RIMKLB: variants seen among roughly 807,000 people sequenced by gnomAD.
RIMKLB encodes the protein ribosomal modification protein rimK like family member B.
In RIMKLB, 7 loss-of-function variants were observed where a neutral mutation model predicts 32.0. The observed-to-expected ratio is 0.22, with a 90% confidence interval of 0.12 to 0.41. The LOEUF is 0.41. Ranked by LOEUF, RIMKLB falls within the 10% of genes least tolerant of loss-of-function variation. RIMKLB has a pLI of 1.00. For synonymous variants in RIMKLB, 172 were observed against 185.1 expected (o/e 0.93, Z 0.57); for missense variants, 289 against 498.7 (o/e 0.58, Z 4.00).
intron 2 of RIMKLB, among the ~76,000 whole-genome samples, chr12:8,741,923 C>CTTTT (rs145008488): frequency 0.014 from 2,103 of 145,082 alleles, 75 homozygotes; most frequent in African/African-American, 0.052. Context: ...AAAAGGAGAG[C>CTTTT]TTTTTTTTTT....
At chr12:8,706,608 G>A (rs1205625588) in intron 1 of RIMKLB, among the ~76,000 whole-genome samples, 4 of 151,340 alleles carry the variant, frequency 2.6e-5, no homozygotes, top group Non-Finnish European at 4.4e-5. Context: ...GCACCCCTGC[G>A]TCCGGCTAAT....
intron 1 of RIMKLB, among the ~76,000 whole-genome samples, chr12:8,708,670 A>G (rs1324716909): frequency 6.6e-6 from 1 of 151,764 alleles, no homozygotes; most frequent in Non-Finnish European, 1.5e-5. Flanking sequence ...GGAGAAACAA[A>G]GTGGTACTTT....
At chr12:8,706,194 C>T (rs964514623) in intron 1 of RIMKLB, among the ~76,000 whole-genome samples, 1 of 152,152 alleles carries the variant, frequency 6.6e-6, no homozygotes, top group African/African-American at 2.4e-5. Flanking sequence ...GGCTGGAGTG[C>T]AATGGTGCGA....
At chr12:8,696,732 C>A (rs1942903572), upstream of RIMKLB, among the ~76,000 whole-genome samples, 1 of 152,104 alleles carries the variant, frequency 6.6e-6, no homozygotes, top group South Asian at 2.1e-4. Context: ...TCTCGAGACG[C>A]TGAAGGAAAT....
chr12:8,730,734 C>G (rs7960582), intron 2 of RIMKLB, among the ~76,000 whole-genome samples: 5,756 of 152,206 alleles, frequency 0.038, 333 homozygotes, highest in African/African-American at 0.12. Context: ...CAATGCAGCT[C>G]TTTCTTTTTT....
At chr12:8,693,503 T>A (rs1421959232), upstream of RIMKLB, among the ~76,000 whole-genome samples, 1 of 151,920 alleles carries the variant, frequency 6.6e-6, no homozygotes, top group Non-Finnish European at 1.5e-5. Context: ...TTCAAGTGAT[T>A]CTCCTGCCTC....
intron 1 of RIMKLB, among the ~76,000 whole-genome samples, chr12:8,690,508 A>G (rs1942701681): frequency 6.6e-6 from 1 of 152,210 alleles, no homozygotes; most frequent in African/African-American, 2.4e-5. Context: ...GTGTTTGACA[A>G]AGCAGTTAAG....
At chr12:8,725,583 A>G (rs774842316) in intron 2 of RIMKLB, among the ~76,000 whole-genome samples, 15 of 152,186 alleles carry the variant, frequency 9.9e-5, no homozygotes, top group Non-Finnish European at 1.9e-4. Flanking sequence ...ATATGTTCTC[A>G]GCCTGCGAGG....
In RIMKLB at chr12:8,767,075, C is replaced by G. The variant is rs142168951; in HGVS notation, c.698-6246C>G. ...GGTCTCAGTGTTTTCGGGCTACGCCCTTGTTTACCCTGACAACAAGGTAGT... is the reference window on the plus strand; with the variant it reads ...GGTCTCAGTGTTTTCGGGCTACGCCGTTGTTTACCCTGACAACAAGGTAGT... On this transcript the variant is annotated intron_variant, in intron 5 of 5. Transcript: ENST00000535829. Among the ~76,000 whole-genome samples, 168 of 152,354 alleles carry G rather than the reference C, an allele frequency of 1.1e-3. 1 individual carries two copies. Among genetic ancestry groups the G allele is most frequent in the Admixed American group, 1.8e-3 (27 of 15,310 alleles).
intron 1 of RIMKLB, among the ~76,000 whole-genome samples, chr12:8,712,242 G>A (rs748764662): frequency 4.6e-5 from 7 of 151,628 alleles, no homozygotes; most frequent in African/African-American, 9.7e-5. Context: ...GCGTGATCTC[G>A]GCTCACTGCA....
chr12:8,681,526 G>T (rs1054881105), upstream of RIMKLB: 4 of 152,288 alleles, frequency 2.6e-5, no homozygotes, highest in African/African-American at 9.6e-5. Context: ...GACGTAAGGT[G>T]TGGCTCCTAT....
At chr12:8,682,235 G>A (rs10128818) in intron 1 of RIMKLB, among the ~76,000 whole-genome samples, 7,258 of 152,202 alleles carry the variant, frequency 0.048, 507 homozygotes, top group African/African-American at 0.15. Flanking sequence ...ATCGGGACAC[G>A]AGAGGGCAAC....
chr12:8,690,348 A>G (rs1012970641), intron 1 of RIMKLB, among the ~76,000 whole-genome samples: 4 of 152,192 alleles, frequency 2.6e-5, no homozygotes, highest in African/African-American at 9.7e-5. Context: ...GTGGCAAATT[A>G]TAATGTATGT....
At chr12:8,772,390 C>G (rs1164640874) in intron 5 of RIMKLB, among the ~76,000 whole-genome samples, 2 of 152,172 alleles carry the variant, frequency 1.3e-5, no homozygotes, top group African/African-American at 4.8e-5. Flanking sequence ...TTATTTCTTT[C>G]ATCAAAGTCA....
intron 2 of RIMKLB, among the ~76,000 whole-genome samples, chr12:8,716,725 C>CT (rs71451981): frequency 0.19 from 17,785 of 95,212 alleles, 1,521 homozygotes; most frequent in Non-Finnish European, 0.25. Flanking sequence ...TCTTTTCCTT[C>CT]TTTTTTTTTT....
chr12:8,706,617 AT>A (rs766312936), intron 1 of RIMKLB, among the ~76,000 whole-genome samples: 1 of 148,978 alleles, frequency 6.7e-6, no homozygotes, highest in African/African-American at 2.5e-5. Context: ...CGTCCGGCTA[AT>A]TTTTTTGTAT....
chr12:8,692,036 C>T (rs891799699), intron 1 of RIMKLB, among the ~76,000 whole-genome samples: 1 of 151,878 alleles, frequency 6.6e-6, no homozygotes, highest in African/African-American at 2.4e-5. Context: ...GATGCTTCCT[C>T]TATTCTTTAA....
chr12:8,759,289 G>C (rs937538657), intron 5 of RIMKLB, among the ~76,000 whole-genome samples: 1 of 152,116 alleles, frequency 6.6e-6, no homozygotes, highest in Non-Finnish European at 1.5e-5. Flanking sequence ...CAGCTACTCA[G>C]GAGGCTGAGA....
Position 8,774,029 on chromosome 12 carries a change from T to G in RIMKLB, c.*245T>G. On this transcript the variant is annotated 3_prime_UTR_variant, in exon 6 of 6. Coordinates refer to ENST00000535829, the MANE Select transcript of RIMKLB (RefSeq NM_001297776.2). Reference sequence around the variant, plus strand: ...TAGAAAAATGTCAGGCTCTCATAGTTACCCTTTTAAATTGCTAAAAAATGT... The same window carrying G: ...TAGAAAAATGTCAGGCTCTCATAGTGACCCTTTTAAATTGCTAAAAAATGT... 7.7e-7 allele frequency: 1 copy of G among 1,292,596 alleles called. No individual in the cohort carries two copies. The highest frequency in any genetic ancestry group is 9.8e-7 in the Non-Finnish European group (1 of 1,021,296). The allele number at this position is 1,292,596 out of a possible 1,614,324, so 80.1% of individuals were successfully genotyped here. A position where few individuals can be genotyped will look rare whatever the true frequency, so the allele number is the denominator to read the frequency against.
Sources: gnomAD v4.1 joint callset for allele counts (sites outside exome capture counted in the v4.1 genomes callset) on GRCh38, gnomAD v4.1.1 for gene constraint, MANE v1.5 for transcripts, NCBI Gene and HGNC (gene_info 2026-07-23, HGNC 2026-07-21) for gene names.